The following RBFOX1 variants were observed in gnomAD, a reference collection of about 807,000 sequenced individuals.
RBFOX1 encodes the protein RNA binding fox-1 homolog 1.
Under a neutral mutation model 57.7 loss-of-function variants are expected in RBFOX1, and 8 were observed. The observed-to-expected ratio is 0.14, with a 90% CI of 0.08 to 0.25. RBFOX1 has a LOEUF of 0.25. Among genes scored for constraint, RBFOX1 ranks in the 10% least tolerant of loss-of-function variants. The pLI, the probability that RBFOX1 is intolerant of heterozygous loss-of-function variation, is 1.00. For missense variants in RBFOX1, 611 were observed against 548.5 expected (o/e 1.11, Z -1.14); for synonymous variants, 326 against 222.4 (o/e 1.47, Z -4.15).
chr16:5,891,357 C>T (rs771009966), intron 4 of RBFOX1, among the ~76,000 whole-genome samples: 1 of 152,092 alleles, frequency 6.6e-6, no homozygotes, highest in Non-Finnish European at 1.5e-5. Context: ...GTTTCAAGTT[C>T]TTTGTGTTCT....
At chr16:6,663,836 C>T (rs1191339326) in intron 3 of RBFOX1, among the ~76,000 whole-genome samples, 4 of 152,266 alleles carry the variant, frequency 2.6e-5, no homozygotes, top group East Asian at 3.9e-4. Flanking sequence ...GGGCCAGGTG[C>T]AGAGGAGGGA....
At chr16:7,667,294 C>G (rs896231439) in intron 13 of RBFOX1, among the ~76,000 whole-genome samples, 5 of 152,180 alleles carry the variant, frequency 3.3e-5, no homozygotes, top group African/African-American at 1.2e-4. Context: ...CACTGCCCAG[C>G]TCAGCAGCAG....
At chr16:6,177,922 T>TAAA (rs57642754) in intron 1 of RBFOX1, among the ~76,000 whole-genome samples, 28,751 of 139,826 alleles carry the variant, frequency 0.21, 3,916 homozygotes, top group African/African-American at 0.36. Context: ...TCAGTGGGGG[T>TAAA]AAAAAAAAAA....
At chr16:6,552,046 C>G (rs957917931) in intron 2 of RBFOX1, among the ~76,000 whole-genome samples, 1 of 152,184 alleles carries the variant, frequency 6.6e-6, no homozygotes, top group African/African-American at 2.4e-5. Context: ...AATTTCCATG[C>G]CTCCCACCTT....
At chr16:5,358,126 C>G (rs1407544068) in intron 1 of RBFOX1, among the ~76,000 whole-genome samples, 1 of 152,048 alleles carries the variant, frequency 6.6e-6, no homozygotes, top group Non-Finnish European at 1.5e-5. Context: ...CCATGTCTTT[C>G]TCCTTGCTCC....
At chr16:5,928,607 C>T (rs1360215811) in intron 4 of RBFOX1, among the ~76,000 whole-genome samples, 1 of 151,880 alleles carries the variant, frequency 6.6e-6, no homozygotes, top group Non-Finnish European at 1.5e-5. Context: ...CCACCACATC[C>T]CTTCCTGCTG....
At chr16:6,497,295 G>A (rs542702675) in intron 2 of RBFOX1, among the ~76,000 whole-genome samples, 3 of 152,224 alleles carry the variant, frequency 2.0e-5, no homozygotes, top group South Asian at 2.1e-4. Context: ...GCATTAGCTG[G>A]GATGTGTGGG....
intron 3 of RBFOX1, among the ~76,000 whole-genome samples, chr16:6,849,267 A>C (rs1350550095): frequency 6.6e-6 from 1 of 152,018 alleles, no homozygotes; most frequent in Non-Finnish European, 1.5e-5. Context: ...GTGGCACCTA[A>C]AAGTTAGCTC....
intron 4 of RBFOX1, among the ~76,000 whole-genome samples, chr16:7,482,304 G>T (rs892768427): frequency 6.6e-6 from 1 of 152,150 alleles, no homozygotes; most frequent in African/African-American, 2.4e-5. Flanking sequence ...TCTGTGAAGT[G>T]CTTTAGGGAG....
At chr16:7,056,326 A>G (rs563631149) in intron 4 of RBFOX1, among the ~76,000 whole-genome samples, 2 of 152,288 alleles carry the variant, frequency 1.3e-5, no homozygotes, top group African/African-American at 2.4e-5. Flanking sequence ...AGGTTTGTCA[A>G]TCTAGAGTAG....
At chr16:6,302,484 T>G (rs1003018736) in intron 1 of RBFOX1, among the ~76,000 whole-genome samples, 3 of 152,154 alleles carry the variant, frequency 2.0e-5, no homozygotes, top group African/African-American at 7.2e-5. Context: ...TTCGACTAGA[T>G]GGATTTTATG....
intron 3 of RBFOX1, among the ~76,000 whole-genome samples, chr16:6,940,378 G>C (rs1380086285): frequency 6.6e-6 from 1 of 152,114 alleles, no homozygotes; most frequent in Non-Finnish European, 1.5e-5. Flanking sequence ...CTTCCCATCC[G>C]ACAATTCCAG....
chr16:5,328,632 C>T (rs1361710430), intron 1 of RBFOX1, among the ~76,000 whole-genome samples: 1 of 152,202 alleles, frequency 6.6e-6, no homozygotes, highest in Non-Finnish European at 1.5e-5. Flanking sequence ...TGCCTGTCTG[C>T]ACGTGGAAGA....
At chr16:7,311,875 A>G (rs1044852979) in intron 4 of RBFOX1, among the ~76,000 whole-genome samples, 3 of 152,234 alleles carry the variant, frequency 2.0e-5, no homozygotes, top group African/African-American at 7.2e-5. Flanking sequence ...CTGAAGGCTT[A>G]ATCCCAACTC....
intron 1 of RBFOX1, among the ~76,000 whole-genome samples, chr16:6,256,253 A>ATG (rs1460078635): frequency 4.6e-4 from 54 of 116,394 alleles, no homozygotes; most frequent in African/African-American, 2.1e-3. Context: ...ATATGTATAT[A>ATG]TATGTGTATA....
intron 3 of RBFOX1, among the ~76,000 whole-genome samples, chr16:6,761,450 T>C (rs1166834788): frequency 5.3e-5 from 8 of 151,884 alleles, no homozygotes; most frequent in African/African-American, 1.9e-4. Context: ...TGTTAGTTTT[T>C]AGTTTTTAAA....
intron 2 of RBFOX1, among the ~76,000 whole-genome samples, chr16:5,587,907 G>A (rs892507097): frequency 1.3e-5 from 2 of 152,102 alleles, no homozygotes; most frequent in African/African-American, 4.8e-5. Flanking sequence ...AACGTGTGCG[G>A]GAATGCTCAC....
At chr16:7,431,721 C>T (rs1184029248) in intron 4 of RBFOX1, among the ~76,000 whole-genome samples, 1 of 152,202 alleles carries the variant, frequency 6.6e-6, no homozygotes, top group African/African-American at 2.4e-5. Context: ...TCTCCTTAGC[C>T]TCTGGCAATT....
chr16:7,041,364 C>T (rs74396760), intron 3 of RBFOX1, among the ~76,000 whole-genome samples: 14,302 of 152,044 alleles, frequency 0.094, 1,090 homozygotes, highest in East Asian at 0.32. Context: ...TCTCAAAGGG[C>T]AATGCATTTC....
Sources: gnomAD v4.1 joint callset for allele counts (sites outside exome capture counted in the v4.1 genomes callset) on GRCh38, gnomAD v4.1.1 for gene constraint, MANE v1.5 for transcripts, NCBI Gene and HGNC (gene_info 2026-07-23, HGNC 2026-07-21) for gene names.